DNAAF10: variants seen among roughly 807,000 people sequenced by gnomAD.
DNAAF10 encodes the protein WD repeat domain 92.
A neutral mutation model predicts 43.7 loss-of-function variants in DNAAF10; 28 were observed. That is an observed-to-expected ratio of 0.64 (90% CI 0.48 to 0.88). The LOEUF (loss-of-function observed/expected upper bound fraction) is 0.88. DNAAF10 is among the 40% of genes least tolerant of loss of function. The probability of loss-of-function intolerance (pLI) is 0.00; values close to 1 mark genes in which losing one functional copy is unlikely to be tolerated. For missense variants in DNAAF10, 403 were observed against 439.1 expected, an observed-to-expected ratio of 0.92 and a Z score of 0.73; for synonymous variants, 156 against 157.3, an observed-to-expected ratio of 0.99 and a Z score of 0.06.
At chr2:68,145,045 A>C (rs1673283350) in intron 2 of DNAAF10, among the ~76,000 whole-genome samples, 2 of 152,064 alleles carry the variant, frequency 1.3e-5, no homozygotes, top group Admixed American at 1.3e-4. Flanking sequence ...GCTCCTCCCC[A>C]AACATAATGA....
At chr2:68,155,863 G>A (rs943924026) in intron 1 of DNAAF10, among the ~76,000 whole-genome samples, 7 of 152,046 alleles carry the variant, frequency 4.6e-5, no homozygotes, top group Admixed American at 1.3e-4. Context: ...ACGGGAGGCC[G>A]ATGTAGGCAG....
chr2:68,157,384 C>A lies in DNAAF10; in HGVS notation c.60G>T (p.Thr20=). 6.2e-7 allele frequency: 1 copy of A among 1,614,204 alleles called. No homozygotes were observed. Residue 20 remains threonine, a synonymous_variant, in exon 1 of 8, where the codon ACG becomes ACT. Transcript: ENST00000295121. ...IAHIQKGFNY[T]VFDCKWVPCS... Reference sequence around the variant, plus strand: ...AGGGCACCCACTTACAGTCAAACACCGTGTAGTTGAAGCCCTTCTGGATAT... The same window carrying A: ...AGGGCACCCACTTACAGTCAAACACAGTGTAGTTGAAGCCCTTCTGGATAT...
At chr2:68,133,991 GT>G (rs1444207064) in intron 7 of DNAAF10, 26 of 378,268 alleles carry the variant, frequency 6.9e-5, no homozygotes, top group South Asian at 6.6e-4. Flanking sequence ...TGGGCTTGCT[GT>G]TTTTTCCCTG....
At chr2:68,156,228 G>A (rs1163499418) in intron 1 of DNAAF10, among the ~76,000 whole-genome samples, 5 of 151,750 alleles carry the variant, frequency 3.3e-5, no homozygotes, top group African/African-American at 1.2e-4. Flanking sequence ...GAAACTTAAA[G>A]CGGGATGGGG....
chr2:68,131,313 T>C lies in DNAAF10; in HGVS notation c.999A>G (p.Lys333=). The change falls in exon 8 of 8, where the codon AAA becomes AAG. Residue 333 remains lysine, a synonymous_variant. Coordinates refer to ENST00000295121, the MANE Select transcript of DNAAF10 (RefSeq NM_138458.4). ...ATGAACTACAGACGCAGAGACCCCT[T>C]TTATCTGGACTCCAATCCAAACTTG... ...PISSLDWSPD[K]RGLCVCSSFD... The C allele has an allele frequency of 1.2e-6, 2 of 1,614,112 alleles. No individual in the cohort carries two copies. The highest frequency in any genetic ancestry group is 2.2e-5 in the South Asian group (2 of 91,082).
At chr2:68,147,667 G>C in intron 1 of DNAAF10, 100 bp from the exon 2 acceptor site, 1 of 805,196 alleles carries the variant, frequency 1.2e-6, no homozygotes, top group Non-Finnish European at 1.8e-6. Context: ...ATTTAAATAA[G>C]ACAATATAAA....
In DNAAF10 at chr2:68,157,509, C is replaced by T; in HGVS notation, c.-66G>A. On this transcript the variant is annotated 5_prime_UTR_variant, in exon 1 of 8. It introduces an in-frame stop codon into an upstream open reading frame of the 5' UTR. Transcript: ENST00000295121. ...GCCCCCAAAAACGGCAACCTGGAAACCAGACTCCAAACATTGGCAATTTGT... is the reference window on the plus strand; with the variant it reads ...GCCCCCAAAAACGGCAACCTGGAAATCAGACTCCAAACATTGGCAATTTGT... 6.2e-7 allele frequency: 1 copy of T among 1,606,374 alleles called. No homozygotes were observed. Among genetic ancestry groups the T allele is most frequent in the Non-Finnish European group, 8.5e-7 (1 of 1,173,010 alleles).
At chr2:68,148,205 A>G (rs1217789742) in intron 1 of DNAAF10, among the ~76,000 whole-genome samples, 1 of 152,216 alleles carries the variant, frequency 6.6e-6, no homozygotes, top group Non-Finnish European at 1.5e-5. Context: ...AATCAGGTGA[A>G]GAAGACTATG....
At chr2:68,141,114 CA>C (rs1344320930) in intron 4 of DNAAF10, among the ~76,000 whole-genome samples, 2 of 152,074 alleles carry the variant, frequency 1.3e-5, no homozygotes, top group African/African-American at 4.8e-5. Context: ...GGGCAAATGT[CA>C]ATTAGTCTTC....
chr2:68,147,348 G>T, intron 2 of DNAAF10, 119 bp downstream of exon 2: 1 of 704,112 alleles, frequency 1.4e-6, no homozygotes, highest in Non-Finnish European at 2.3e-6. Flanking sequence ...TATTTTTATA[G>T]TTAAAATGGA....
chr2:68,132,887 C>T (rs555547039), intron 7 of DNAAF10, among the ~76,000 whole-genome samples: 2 of 152,324 alleles, frequency 1.3e-5, no homozygotes, highest in East Asian at 1.9e-4. Context: ...GAACTAAATC[C>T]GCTGTAGTAA....
At chr2:68,146,504 C>A (rs868838342) in intron 2 of DNAAF10, among the ~76,000 whole-genome samples, 2 of 152,232 alleles carry the variant, frequency 1.3e-5, no homozygotes, top group South Asian at 4.1e-4. Context: ...ATGGTACTAT[C>A]TAATATTTTG....
intron 1 of DNAAF10, among the ~76,000 whole-genome samples, chr2:68,155,488 C>T (rs1208850970): frequency 6.7e-6 from 1 of 149,246 alleles, no homozygotes; most frequent in Admixed American, 6.7e-5. Context: ...AGCCAGACTC[C>T]GTCTCAAAAA....
chr2:68,147,459 C>A lies in DNAAF10; in HGVS notation c.284+8G>T, dbSNP rs909707723. On this transcript the variant is annotated splice_region_variant and intron_variant, in intron 2 of 7. Transcript: ENST00000295121. ...TCATCTGTCTGAATACTGACTAAAT[C>A]ATCTTACCATATATGAAGGTTTCCA... 1 of 1,602,378 alleles carries A rather than the reference C, an allele frequency of 6.2e-7. No individual in the cohort carries two copies. Among genetic ancestry groups the A allele is most frequent in the Middle Eastern group, 1.7e-4 (1 of 6,030 alleles).
At chr2:68,144,557 A>T (rs754168377) in intron 3 of DNAAF10, 28 bp downstream of exon 3, 1 of 1,605,054 alleles carries the variant, frequency 6.2e-7, no homozygotes, top group East Asian at 2.2e-5. Flanking sequence ...AAATAAATAA[A>T]CAAAATACAT....
intron 6 of DNAAF10, 129 bp from the exon 7 acceptor site, chr2:68,134,928 G>A: frequency 9.8e-7 from 1 of 1,022,254 alleles, no homozygotes; most frequent in Non-Finnish European, 1.4e-6. Context: ...TTATTTTCTG[G>A]CACATCTCTT....
At chr2:68,153,960 G>A (rs753196775) in intron 1 of DNAAF10, among the ~76,000 whole-genome samples, 1 of 151,734 alleles carries the variant, frequency 6.6e-6, no homozygotes, top group Non-Finnish European at 1.5e-5. Context: ...TCACCATGTT[G>A]GCCAGGATGG....
intron 1 of DNAAF10, among the ~76,000 whole-genome samples, chr2:68,156,000 G>C (rs1256632826): frequency 2.0e-5 from 3 of 149,894 alleles, no homozygotes; most frequent in Non-Finnish European, 4.4e-5. Flanking sequence ...CACACCTGTA[G>C]TCCCAGCTAC....
At chr2:68,155,668 G>A (rs1673580333) in intron 1 of DNAAF10, among the ~76,000 whole-genome samples, 1 of 151,916 alleles carries the variant, frequency 6.6e-6, no homozygotes, top group South Asian at 2.1e-4. Flanking sequence ...ACTCCGGACT[G>A]GGACAGAGCT....
Sources: gnomAD v4.1 joint callset for allele counts (sites outside exome capture counted in the v4.1 genomes callset) on GRCh38, gnomAD v4.1.1 for gene constraint, MANE v1.5 for transcripts, NCBI Gene and HGNC (gene_info 2026-07-23, HGNC 2026-07-21) for gene names.